Variants in RTN3 observed in about 807,000 individuals in gnomAD.
The protein encoded by RTN3 is reticulon-3.
Under a neutral mutation model 77.8 loss-of-function variants are expected in RTN3, and 49 were observed. That is an observed-to-expected ratio of 0.63 (90% CI 0.50 to 0.80). The LOEUF (loss-of-function observed/expected upper bound fraction) is 0.80, where lower values mean the gene tolerates loss of function less well. RTN3 is among the 30% of genes least tolerant of loss of function. RTN3 has a pLI of 0.00. For missense variants in RTN3, 1,236 were observed against 1,211.9 expected, an observed-to-expected ratio of 1.02 and a Z score of -0.29; for synonymous variants, 464 against 446.9, an observed-to-expected ratio of 1.04 and a Z score of -0.48.
chr11:63,724,945 T>C (rs1015276567), intron 3 of RTN3, among the ~76,000 whole-genome samples: 4 of 151,832 alleles, frequency 2.6e-5, no homozygotes, highest in African/African-American at 9.7e-5. Context: ...TACACAGTCA[T>C]TGAAGTTGTT....
At chr11:63,712,828 G>A (rs994817620) in intron 2 of RTN3, among the ~76,000 whole-genome samples, 5 of 152,110 alleles carry the variant, frequency 3.3e-5, no homozygotes, top group African/African-American at 1.2e-4. Flanking sequence ...GGGCGCAATG[G>A]CTCACACTTG....
intron 3 of RTN3, chr11:63,747,159 G>A: frequency 2.6e-6 from 1 of 382,784 alleles, no homozygotes; most frequent in South Asian, 1.9e-5. Context: ...TTTTGGGCGG[G>A]AATACCATAG....
At chr11:63,746,929 T>A (rs1197488317) in intron 3 of RTN3, 2 of 455,682 alleles carry the variant, frequency 4.4e-6, no homozygotes, top group Non-Finnish European at 8.8e-6. Flanking sequence ...TTTATAGCTG[T>A]GTTTACCCCT....
In RTN3 at chr11:63,720,561, ACTC is replaced by A. The variant is rs1417055272; in HGVS notation, c.2065_2067del (p.Pro689del). On this transcript the variant is annotated inframe_deletion, in exon 3 of 9. Coordinates refer to ENST00000377819, the MANE Select transcript of RTN3 (RefSeq NM_001265589.2). ...AGAGAAGATGACAGACTTTAAAACA[ACTC>A]CTCCTGTAGAAGTCTTACATGAAAA... 5 of 1,614,098 alleles carry A rather than the reference ACTC, an allele frequency of 3.1e-6. No homozygotes were observed. The highest frequency in any genetic ancestry group is 4.2e-6 in the Non-Finnish European group (5 of 1,179,996).
chr11:63,741,319 C>A (rs988161573), intron 3 of RTN3, among the ~76,000 whole-genome samples: 4 of 151,574 alleles, frequency 2.6e-5, no homozygotes, highest in Admixed American at 1.3e-4. Context: ...TCTTGTGCCT[C>A]AGCCTCCTGA....
intron 3 of RTN3, among the ~76,000 whole-genome samples, chr11:63,727,244 A>T (rs924003249): frequency 6.6e-5 from 10 of 152,264 alleles, no homozygotes; most frequent in South Asian, 2.1e-4. Context: ...ACAGTCTGGA[A>T]TTTGTACAGC....
upstream of RTN3, chr11:63,681,467 C>G (rs1006707117): frequency 3.1e-6 from 2 of 645,100 alleles, no homozygotes; most frequent in South Asian, 4.2e-5. Flanking sequence ...CGCTCGCGCT[C>G]CCGCCCTCTA....
At position 63,719,992 on chromosome 11, in the gene RTN3, C is replaced by G. The variant is rs748182853; in HGVS notation, c.1490C>G (p.Ser497Cys). Residue 497 changes from serine (S) to cysteine (C), a missense_variant, in exon 3 of 9, where the codon TCT (serine) becomes TGT (cysteine). Around this residue, in one of 3 missense-constraint regions of RTN3, gnomAD observed 1,056 missense variants for 990.4 expected, o/e 1.07. Coordinates refer to ENST00000377819, the MANE Select transcript of RTN3 (RefSeq NM_001265589.2). ...ALGEITEADS[S>C]GESDDTVIED... ...GGAGAAATCACAGAAGCTGATAGTT[C>G]TGGTGAGTCTGATGACACAGTAATA... 9 of 1,613,998 alleles carry G rather than the reference C, an allele frequency of 5.6e-6. No homozygotes were observed. The highest frequency in any genetic ancestry group is 2.2e-5 in the East Asian group (1 of 44,890).
intron 3 of RTN3, 122 bp downstream of exon 3, chr11:63,721,154 G>C: frequency 1.2e-6 from 1 of 801,762 alleles, no homozygotes; most frequent in Non-Finnish European, 1.9e-6. Context: ...AAAACAATAT[G>C]CTGTATGATG....
intron 2 of RTN3, among the ~76,000 whole-genome samples, chr11:63,706,993 C>T (rs891227530): frequency 7.9e-5 from 12 of 151,020 alleles, no homozygotes; most frequent in Non-Finnish European, 1.2e-4. Context: ...ACCCAAGAAT[C>T]GCTCAAGCAG....
chr11:63,691,757 C>T (rs1941671918), intron 1 of RTN3, among the ~76,000 whole-genome samples: 1 of 152,194 alleles, frequency 6.6e-6, no homozygotes, highest in Non-Finnish European at 1.5e-5. Flanking sequence ...CTGTCAATCT[C>T]CATTGCTACC....
chr11:63,721,159 A>T, intron 3 of RTN3, 127 bp downstream of exon 3: 1 of 767,188 alleles, frequency 1.3e-6, no homozygotes. Context: ...AATATGCTGT[A>T]TGATGGGAAA....
intron 3 of RTN3, among the ~76,000 whole-genome samples, chr11:63,729,079 C>T (rs1247499882): frequency 2.0e-5 from 3 of 150,444 alleles, no homozygotes; most frequent in Non-Finnish European, 4.4e-5. Context: ...AGGAAAAAAA[C>T]AACAAAAAAA....
chr11:63,752,963 A>G, intron 5 of RTN3, 106 bp from the exon 6 acceptor site: 1 of 1,084,250 alleles, frequency 9.2e-7, no homozygotes. Flanking sequence ...CATGTCACAC[A>G]TCACTAAATT....
At chr11:63,713,930 A>T (rs1347684799) in intron 2 of RTN3, 1 of 490,502 alleles carries the variant, frequency 2.0e-6, no homozygotes, top group South Asian at 1.5e-5. Context: ...TTAAGAGCTA[A>T]CTGCCTTCAG....
Position 63,716,991 on chromosome 11 carries a change from A to AAAG in RTN3, c.200-1709_200-1708insGAA, listed in dbSNP as rs1555072827. 7.4e-4 allele frequency among the ~76,000 whole-genome samples: 111 copies of AAAG among 150,588 alleles called. 1 individual carries two copies. Among genetic ancestry groups the AAAG allele is most frequent in the African/African-American group, 2.5e-3 (104 of 41,198 alleles). ...CTCAAAAAAAAAACAAAAAAAAAAA[A>AAAG]AAAAGAAAAGAAAGTTTAAAAATTA... On this transcript the variant is annotated intron_variant, in intron 2 of 8. Transcript: ENST00000377819.
intron 1 of RTN3, among the ~76,000 whole-genome samples, chr11:63,702,610 G>A (rs1219587706): frequency 2.0e-5 from 3 of 151,548 alleles, no homozygotes; most frequent in Admixed American, 1.3e-4. Context: ...CACTGCGCCC[G>A]GCCGTCCCTT....
Position 63,719,939 on chromosome 11 carries a change from T to A in RTN3, c.1437T>A (p.Asp479Glu). The change falls in exon 3 of 9, where the codon GAT (aspartate) becomes GAA (glutamate). Residue 479 changes from aspartate to glutamate, a missense_variant. Asp to Glu is a conservative substitution (Grantham distance 45). Coordinates refer to ENST00000377819, the MANE Select transcript of RTN3 (RefSeq NM_001265589.2). ...TTTTACCTGATGACCACCTGAAAGA[T>A]GAAATGGACTGGCAGAGCTCTGCAT... Reference protein sequence around the residue: ...KVVLPDDHLKDEMDWQSSALG... With the variant: ...KVVLPDDHLKEEMDWQSSALG... The A allele has an allele frequency of 2.5e-6, 4 of 1,614,110 alleles. No individual in the cohort carries two copies. Among genetic ancestry groups the A allele is most frequent in the Non-Finnish European group, 3.4e-6 (4 of 1,180,006 alleles).
intron 6 of RTN3, 99 bp downstream of exon 6, chr11:63,753,237 C>A: frequency 8.7e-7 from 1 of 1,150,140 alleles, no homozygotes; most frequent in Non-Finnish European, 1.3e-6. Flanking sequence ...TCTTCATTGC[C>A]CAGTCTTGAC....
Sources: allele counts gnomAD v4.1 joint callset (sites outside exome capture counted in the v4.1 genomes callset), GRCh38; gene constraint gnomAD v4.1.1; regional missense constraint gnomAD v4.1.1; transcripts MANE v1.5; gene names NCBI Gene and HGNC (gene_info 2026-07-23, HGNC 2026-07-21).